The following ZBTB16 variants were observed in gnomAD, a reference collection of about 807,000 sequenced individuals.
ZBTB16 encodes zinc finger and BTB domain-containing protein 16.
Under a neutral mutation model 56.8 loss-of-function variants are expected in ZBTB16, and 8 were observed. That is an observed-to-expected ratio of 0.14 (90% CI 0.08 to 0.25). The LOEUF (loss-of-function observed/expected upper bound fraction) is 0.25, where lower values mean the gene tolerates loss of function less well. Ranked by LOEUF, ZBTB16 falls within the 10% of genes least tolerant of loss-of-function variation. The pLI is 1.00. For missense variants in ZBTB16, 625 were observed against 903.0 expected (o/e 0.69, Z 3.95); for synonymous variants, 363 against 368.5 (o/e 0.98, Z 0.17).
chr11:114,069,237 C>A (rs1044458242), intron 2 of ZBTB16, among the ~76,000 whole-genome samples: 2 of 152,228 alleles, frequency 1.3e-5, no homozygotes, highest in Non-Finnish European at 2.9e-5. Context: ...AGGCACCCGC[C>A]ACCACGCCCG....
intron 3 of ZBTB16, among the ~76,000 whole-genome samples, chr11:114,176,963 T>C (rs1250752014): frequency 6.6e-6 from 1 of 152,192 alleles, no homozygotes; most frequent in East Asian, 1.9e-4. Context: ...TAGTGTCTCA[T>C]TTATGCAGGC....
intron 2 of ZBTB16, among the ~76,000 whole-genome samples, chr11:114,088,123 G>C (rs970791549): frequency 5.5e-5 from 8 of 144,562 alleles, no homozygotes; most frequent in African/African-American, 2.0e-4. Flanking sequence ...AAGAGGTATA[G>C]ATAAAGCCAG....
chr11:114,245,096 G>T (rs1259884592), intron 5 of ZBTB16, among the ~76,000 whole-genome samples: 1 of 152,218 alleles, frequency 6.6e-6, no homozygotes, highest in Non-Finnish European at 1.5e-5. Flanking sequence ...TGCACACACA[G>T]ACTGGCCCTT....
intron 2 of ZBTB16, among the ~76,000 whole-genome samples, chr11:114,127,858 G>A (rs763182785): frequency 6.6e-5 from 10 of 152,138 alleles, no homozygotes; most frequent in Non-Finnish European, 4.4e-5. Context: ...CATGTGATTA[G>A]CCTTTTGCCC....
At chr11:114,242,837 T>C (rs1347781276) in intron 5 of ZBTB16, among the ~76,000 whole-genome samples, 1 of 152,202 alleles carries the variant, frequency 6.6e-6, no homozygotes, top group Non-Finnish European at 1.5e-5. Flanking sequence ...TGATCCTACT[T>C]TCCCCACAGT....
chr11:114,145,592 T>A (rs1015286310), intron 2 of ZBTB16, among the ~76,000 whole-genome samples: 3 of 152,182 alleles, frequency 2.0e-5, no homozygotes, highest in African/African-American at 7.2e-5. Flanking sequence ...AATAGGCAAA[T>A]CTGTAGAGGA....
intron 4 of ZBTB16, among the ~76,000 whole-genome samples, chr11:114,191,595 T>C (rs764407605): frequency 7.9e-5 from 12 of 152,344 alleles, no homozygotes; most frequent in Middle Eastern, 3.4e-3. Flanking sequence ...CCCAGCTGCC[T>C]GCACATTGAC....
In ZBTB16 at chr11:114,063,650, A is replaced by C; in HGVS notation, c.350A>C (p.Gln117Pro). 1 of 1,614,142 alleles carries C rather than the reference A, an allele frequency of 6.2e-7. No homozygotes were observed. The highest frequency in any genetic ancestry group is 8.5e-7 in the Non-Finnish European group (1 of 1,180,032). Reference protein sequence around the residue: ...EILEIEYLEEQCLKMLETIQA... With the variant: ...EILEIEYLEEPCLKMLETIQA... ...CTGGAGATCGAGTACCTGGAGGAACAGTGCCTGAAGATGCTGGAGACCATC... is the reference window on the plus strand; with the variant it reads ...CTGGAGATCGAGTACCTGGAGGAACCGTGCCTGAAGATGCTGGAGACCATC... The change falls in exon 2 of 7, where the codon CAG (glutamine) becomes CCG (proline). Residue 117 changes from glutamine to proline, a missense_variant. Physicochemically the swap from Gln to Pro is moderately conservative, Grantham distance 76. Coordinates refer to ENST00000335953, the MANE Select transcript of ZBTB16 (RefSeq NM_006006.6). This position sits in a 1 kb window ranked among gnomAD's most constrained non-coding sequence, Gnocchi z 6.5.
At chr11:114,171,604 AC>A (rs1203210922) in intron 3 of ZBTB16, among the ~76,000 whole-genome samples, 1 of 152,166 alleles carries the variant, frequency 6.6e-6, no homozygotes, top group African/African-American at 2.4e-5. Context: ...AGTCATTGTC[AC>A]GGGAGTACTC....
intron 2 of ZBTB16, among the ~76,000 whole-genome samples, chr11:114,112,053 G>T (rs1019686127): frequency 6.6e-6 from 1 of 152,054 alleles, no homozygotes; most frequent in African/African-American, 2.4e-5. Flanking sequence ...GTAAAAGGTT[G>T]TAAATAAAAC....
intron 3 of ZBTB16, 56 bp from the exon 4 acceptor site, chr11:114,186,895 CT>C: frequency 6.4e-7 from 1 of 1,564,942 alleles, no homozygotes. Context: ...GGCCCAGGAC[CT>C]CCCCGCTCAC....
chr11:114,216,469 G>A (rs917035239), intron 4 of ZBTB16, among the ~76,000 whole-genome samples: 3 of 152,206 alleles, frequency 2.0e-5, no homozygotes, highest in African/African-American at 4.8e-5. Flanking sequence ...AGGAGGCTGG[G>A]TGACAAGGAC....
At position 114,114,282 on chromosome 11, in the gene ZBTB16, C is replaced by T. The variant is rs116237764; in HGVS notation, c.1269-42055C>T. Among the ~76,000 whole-genome samples, 246 of 152,272 alleles carry T rather than the reference C, an allele frequency of 1.6e-3. 3 individuals carry two copies. Among genetic ancestry groups the T allele is most frequent in the African/African-American group, 5.8e-3 (240 of 41,570 alleles). ...AGTCCAAAGGTAGGAAATTTACAAG[C>T]GATGTTACTTTGGGATGACGGGGAT... On this transcript the variant is annotated intron_variant, in intron 2 of 6. Coordinates refer to ENST00000335953, the MANE Select transcript of ZBTB16 (RefSeq NM_006006.6).
At chr11:114,116,000 A>G (rs1941161691) in intron 2 of ZBTB16, among the ~76,000 whole-genome samples, 1 of 152,226 alleles carries the variant, frequency 6.6e-6, no homozygotes, top group Non-Finnish European at 1.5e-5. Context: ...AAACCACTGG[A>G]AGCAATTACT....
At chr11:114,101,093 CT>C (rs1940593717) in intron 2 of ZBTB16, among the ~76,000 whole-genome samples, 2 of 152,076 alleles carry the variant, frequency 1.3e-5, no homozygotes, top group Admixed American at 1.3e-4. Flanking sequence ...CTTGCTTGCT[CT>C]CCCTGGCTCA....
At chr11:114,193,244 A>T (rs1231444711) in intron 4 of ZBTB16, among the ~76,000 whole-genome samples, 1 of 152,188 alleles carries the variant, frequency 6.6e-6, no homozygotes, top group African/African-American at 2.4e-5. Flanking sequence ...TGCTCAATAA[A>T]GATTGAGTAA....
chr11:114,249,315 C>T (rs1388847757), intron 6 of ZBTB16, among the ~76,000 whole-genome samples: 3 of 151,642 alleles, frequency 2.0e-5, no homozygotes, highest in Non-Finnish European at 2.9e-5. Flanking sequence ...AAAAATTAGC[C>T]GGGCATGGTG....
At chr11:114,135,542 C>T (rs534123821) in intron 2 of ZBTB16, among the ~76,000 whole-genome samples, 12 of 152,120 alleles carry the variant, frequency 7.9e-5, no homozygotes, top group African/African-American at 2.7e-4. Flanking sequence ...AGCCATGGGC[C>T]CAGGAATGAG....
At chr11:114,155,452 A>T (rs1942385559) in intron 2 of ZBTB16, among the ~76,000 whole-genome samples, 1 of 146,952 alleles carries the variant, frequency 6.8e-6, no homozygotes, top group Non-Finnish European at 1.5e-5. Context: ...CTGGTGGGAG[A>T]GGCCCCGGGT....
Sources: allele counts gnomAD v4.1 joint callset (sites outside exome capture counted in the v4.1 genomes callset), GRCh38; gene constraint gnomAD v4.1.1; non-coding constraint Gnocchi (gnomAD v3.1); transcripts MANE v1.5; gene names NCBI Gene and HGNC (gene_info 2026-07-23, HGNC 2026-07-21).